The following HERC3 variants were observed in gnomAD, a reference collection of about 807,000 sequenced individuals.
The protein encoded by HERC3 is probable E3 ubiquitin-protein ligase HERC3.
HERC3 carries 58 observed loss-of-function variants against 129.9 expected under a neutral mutation model. The observed-to-expected ratio is 0.45, with a 90% CI of 0.36 to 0.56. The LOEUF is 0.56. HERC3 is among the 20% of genes least tolerant of loss of function. The pLI is 0.00. For synonymous variants in HERC3, 430 were observed against 451.0 expected, an observed-to-expected ratio of 0.95 and a Z score of 0.59; for missense variants, 835 against 1,244.2, an observed-to-expected ratio of 0.67 and a Z score of 4.95.
chr4:88,702,562 T>C (rs908321953), intron 23 of HERC3, among the ~76,000 whole-genome samples: 2 of 152,236 alleles, frequency 1.3e-5, no homozygotes, highest in Admixed American at 1.3e-4. Context: ...ATCTAGTTAA[T>C]TCCATCAAAG....
chr4:88,666,207 G>A (rs1383308590), intron 12 of HERC3, among the ~76,000 whole-genome samples: 1 of 152,128 alleles, frequency 6.6e-6, no homozygotes, highest in Non-Finnish European at 1.5e-5. Context: ...TGTGGGGAAA[G>A]CCTTTTATTT....
At chr4:88,622,841 A>C (rs1295172113) in intron 3 of HERC3, among the ~76,000 whole-genome samples, 1 of 152,118 alleles carries the variant, frequency 6.6e-6, no homozygotes, top group African/African-American at 2.4e-5. Context: ...AGGCAGGAGA[A>C]TTGCTTGAAC....
chr4:88,667,814 A>G, intron 13 of HERC3, 78 bp from the exon 14 acceptor site: 1 of 1,080,406 alleles, frequency 9.3e-7, no homozygotes. Flanking sequence ...GAGTCTATCA[A>G]ATAGCTTATG....
At chr4:88,705,110 G>A (rs367854327) in intron 25 of HERC3, among the ~76,000 whole-genome samples, 3 of 152,104 alleles carry the variant, frequency 2.0e-5, no homozygotes, top group Non-Finnish European at 2.9e-5. Context: ...CAAGTGATCC[G>A]CCTGTTTTGG....
chr4:88,558,535 A>G, the HERC3 span, among the ~76,000 whole-genome samples: 1 of 152,178 alleles, frequency 6.6e-6, no homozygotes, highest in Non-Finnish European at 1.5e-5. Flanking sequence ...ATAAAACACT[A>G]CATACTGGGT....
intron 21 of HERC3, among the ~76,000 whole-genome samples, chr4:88,681,934 C>G (rs2972038): frequency 1.3e-5 from 2 of 151,970 alleles, no homozygotes; most frequent in Admixed American, 1.3e-4. Flanking sequence ...ATGTAATTTG[C>G]GCCCATCAGT....
intron 3 of HERC3, among the ~76,000 whole-genome samples, chr4:88,631,549 TA>T (rs1726761248): frequency 6.6e-6 from 1 of 152,230 alleles, no homozygotes; most frequent in Non-Finnish European, 1.5e-5. Context: ...AATGATTGTT[TA>T]AAGTTGGTCA....
intron 10 of HERC3, 74 bp from the exon 11 acceptor site, chr4:88,662,357 T>C: frequency 1.4e-6 from 2 of 1,407,768 alleles, no homozygotes; most frequent in Non-Finnish European, 2.0e-6. Context: ...ATGGAGAATA[T>C]GTGGGAGAAA....
At chr4:88,648,804 T>C (rs1429342146) in intron 3 of HERC3, among the ~76,000 whole-genome samples, 1 of 152,060 alleles carries the variant, frequency 6.6e-6, no homozygotes, top group Non-Finnish European at 1.5e-5. Flanking sequence ...AATCCTATAA[T>C]TTCTTATCTT....
chr4:88,536,097 C>G, the HERC3 span, among the ~76,000 whole-genome samples: 1 of 152,124 alleles, frequency 6.6e-6, no homozygotes, highest in Non-Finnish European at 1.5e-5. Context: ...AGATGATTTC[C>G]CTAGGTTTGT....
chr4:88,627,560 C>T (rs1250374463), intron 3 of HERC3, among the ~76,000 whole-genome samples: 2 of 152,030 alleles, frequency 1.3e-5, no homozygotes, highest in African/African-American at 4.8e-5. Flanking sequence ...AACCAATCCC[C>T]CACAAATACT....
rs778353605 is a variant in HERC3 at position 88,681,341 on chromosome 4, GC to G, written c.2507+17del. ...CTGAAGGAAGGTACAAAGCTAAAAG[GC>G]GATTGGTATCTGAAACTGTTGTGGC... is the stretch of plus-strand genomic sequence containing the variant. On this transcript the variant is annotated intron_variant, in intron 21 of 25. Coordinates refer to ENST00000402738, the MANE Select transcript of HERC3 (RefSeq NM_014606.3). The G allele has an allele frequency of 1.2e-6, 2 of 1,601,950 alleles. No individual in the cohort carries two copies. Among genetic ancestry groups the G allele is most frequent in the Admixed American group, 3.5e-5 (2 of 57,728 alleles).
chr4:88,630,051 A>C (rs1303061281), intron 3 of HERC3, among the ~76,000 whole-genome samples: 1 of 152,224 alleles, frequency 6.6e-6, no homozygotes, highest in Non-Finnish European at 1.5e-5. Context: ...GAATAAGTAT[A>C]GCATGTGGTG....
the HERC3 span, among the ~76,000 whole-genome samples, chr4:88,548,730 G>A: frequency 1.3e-5 from 2 of 150,392 alleles, no homozygotes; most frequent in Non-Finnish European, 1.5e-5. Flanking sequence ...GCACCATCTC[G>A]GCTCATGGCA....
rs1310372857 is a variant in HERC3 at position 88,640,773 on chromosome 4, G to A, written c.227-9067G>A. Among the ~76,000 whole-genome samples the A allele has an allele frequency of 3.3e-5, 5 of 152,116 alleles. No individual in the cohort carries two copies. In the East Asian group the frequency reaches 7.7e-4, roughly 23 times the overall value. On this transcript the variant is annotated intron_variant, in intron 3 of 25. Transcript: ENST00000402738. Reference sequence around the variant, plus strand: ...AAGATCAGTTCAGCAGGAAAACATAGGAATCCCAAATGTGTGTATACCTAA... The same window carrying A: ...AAGATCAGTTCAGCAGGAAAACATAAGAATCCCAAATGTGTGTATACCTAA...
At chr4:88,586,606 G>A in the HERC3 span, among the ~76,000 whole-genome samples, 4 of 152,082 alleles carry the variant, frequency 2.6e-5, no homozygotes, top group Admixed American at 1.3e-4. Context: ...TGATCCACCC[G>A]CCTCCGCCTC....
the HERC3 span, among the ~76,000 whole-genome samples, chr4:88,529,583 G>A: frequency 1.5e-4 from 23 of 152,170 alleles, no homozygotes; most frequent in African/African-American, 4.6e-4. Context: ...GTGAAACCCC[G>A]TCTCTACTAA....
Position 88,600,710 on chromosome 4 carries a change from T to A in HERC3, c.-29-5085T>A, listed in dbSNP as rs543921072. 2.0e-3 allele frequency among the ~76,000 whole-genome samples: 311 copies of A among 152,356 alleles called. 4 individuals are homozygous for A. Among genetic ancestry groups the A allele is most frequent in the South Asian group, 3.5e-3 (17 of 4,828 alleles). ...CTCCAGGGGAGGCCTCACATACAGATCAGCAGATTTCCTGTTCCATATTTT... is the reference window on the plus strand; with the variant it reads ...CTCCAGGGGAGGCCTCACATACAGAACAGCAGATTTCCTGTTCCATATTTT... On this transcript the variant is annotated intron_variant, in intron 2 of 25. Transcript: ENST00000402738.
intron 12 of HERC3, among the ~76,000 whole-genome samples, chr4:88,666,947 G>A (rs1018159999): frequency 1.3e-5 from 2 of 152,104 alleles, no homozygotes; most frequent in African/African-American, 4.8e-5. Context: ...GAGTGGACCA[G>A]TTTGCACAGG....
Sources: gnomAD v4.1 joint callset for allele counts (sites outside exome capture counted in the v4.1 genomes callset) on GRCh38, gnomAD v4.1.1 for gene constraint, MANE v1.5 for transcripts, NCBI Gene and HGNC (gene_info 2026-07-23, HGNC 2026-07-21) for gene names.